The following KAT6A variants were observed in gnomAD, a reference collection of about 807,000 sequenced individuals.
The protein encoded by KAT6A is lysine acetyltransferase 6A, also known as histone acetyltransferase KAT6A.
Under a neutral mutation model 198.4 loss-of-function variants are expected in KAT6A, and 9 were observed. The ratio of observed to expected loss-of-function variants is 0.05; its 90% CI spans 0.03 to 0.08. The LOEUF (loss-of-function observed/expected upper bound fraction) is 0.08, where lower values mean the gene tolerates loss of function less well. Among genes scored for constraint, KAT6A ranks in the 10% least tolerant of loss-of-function variants. KAT6A has a pLI of 1.00. For missense variants in KAT6A, 2,077 were observed against 2,509.9 expected, an observed-to-expected ratio of 0.83 and a Z score of 3.69; for synonymous variants, 890 against 883.0, an observed-to-expected ratio of 1.01 and a Z score of -0.14.
chr8:41,932,624 A>T lies in KAT6A; in HGVS notation c.5596T>A (p.Ser1866Thr), dbSNP rs1221207488. The T allele has an allele frequency of 6.2e-7, 1 of 1,614,046 alleles. No individual in the cohort carries two copies. The change falls in exon 17 of 17, where the codon TCT (serine) becomes ACT (threonine). Residue 1866 changes from serine to threonine, a missense_variant. By Grantham distance (58) the Ser-to-Thr change is moderately conservative. Coordinates refer to ENST00000265713, the MANE Select transcript of KAT6A (RefSeq NM_006766.5). Reference protein sequence around the residue: ...SIRSKSAPLPSAAAHQQQLYG... With the variant: ...SIRSKSAPLPTAAAHQQQLYG... ...AGCTGCTGCTGGTGAGCAGCCGCAG[A>T]GGGCAGTGGCGCAGACTTGGAGCGG...
chr8:41,983,125 T>A (rs1309514816), intron 3 of KAT6A, among the ~76,000 whole-genome samples: 2 of 152,240 alleles, frequency 1.3e-5, no homozygotes, highest in African/African-American at 2.4e-5. Flanking sequence ...AAGAGTCAGT[T>A]ATCAGTCTGA....
At chr8:41,984,908 G>A (rs1391934923) in intron 3 of KAT6A, among the ~76,000 whole-genome samples, 1 of 151,550 alleles carries the variant, frequency 6.6e-6, no homozygotes, top group Non-Finnish European at 1.5e-5. Flanking sequence ...GCGTGAACCC[G>A]GGAGGCAGAG....
chr8:42,011,406 C>G (rs1826009809), intron 2 of KAT6A, among the ~76,000 whole-genome samples: 1 of 152,002 alleles, frequency 6.6e-6, no homozygotes, highest in Admixed American at 6.6e-5. Flanking sequence ...ACCATTTGTT[C>G]TAGAAATGAG....
At chr8:42,040,093 T>C (rs1048968478) in intron 2 of KAT6A, among the ~76,000 whole-genome samples, 2 of 151,862 alleles carry the variant, frequency 1.3e-5, no homozygotes, top group Non-Finnish European at 2.9e-5. Context: ...TATATAAATA[T>C]ATTATGCCTA....
chr8:41,996,737 G>GC (rs1420382862), intron 2 of KAT6A, among the ~76,000 whole-genome samples: 7 of 152,106 alleles, frequency 4.6e-5, no homozygotes, highest in African/African-American at 1.4e-4. Context: ...GAGAGATGAG[G>GC]CCCCTTGATC....
chr8:42,009,894 CAA>C (rs538642816), intron 2 of KAT6A, among the ~76,000 whole-genome samples: 8,434 of 48,644 alleles, frequency 0.17, 228 homozygotes, highest in South Asian at 0.31. Context: ...AGCCCTGTCT[CAA>C]AAAAAAAAAA....
chr8:41,966,350 TAGTAC>T (rs913971417), intron 8 of KAT6A, among the ~76,000 whole-genome samples: 2 of 152,088 alleles, frequency 1.3e-5, no homozygotes, highest in Non-Finnish European at 2.9e-5. Context: ...TCAGAAGAGT[TAGTAC>T]AGTACAATAG....
At chr8:41,998,162 A>C (rs1268946676) in intron 2 of KAT6A, among the ~76,000 whole-genome samples, 1 of 152,188 alleles carries the variant, frequency 6.6e-6, no homozygotes. Context: ...TTTTCAAAGC[A>C]CTTATAAATG....
intron 2 of KAT6A, among the ~76,000 whole-genome samples, chr8:42,020,573 T>C (rs13257590): frequency 0.73 from 110,421 of 152,068 alleles, 41,276 homozygotes; most frequent in African/African-American, 0.92. Context: ...TAGCATAGTG[T>C]CAGGGACATA....
chr8:41,981,062 G>C (rs1359013805), intron 4 of KAT6A, 135 bp from the exon 5 acceptor site: 2 of 659,654 alleles, frequency 3.0e-6, no homozygotes, highest in East Asian at 2.8e-5. Context: ...GCTCACGCCT[G>C]TAATCCCAAC....
At position 41,942,986 on chromosome 8, in the gene KAT6A, C is replaced by T. The variant is rs780908849; in HGVS notation, c.2243G>A (p.Arg748His). 1.9e-6 allele frequency: 3 copies of T among 1,613,916 alleles called. No homozygotes were observed. The highest frequency in any genetic ancestry group is 2.5e-6 in the Non-Finnish European group (3 of 1,179,952). The part of the protein sequence containing the change: ...DFRSDQFVII[R>H]REKLIQDHMA... The stretch of plus-strand genomic sequence containing the variant: ...GTGATCCTGGATAAGTTTTTCCCGG[C>T]GGATAATCACAAATCTGGAACCAGA... The change falls in exon 14 of 17, where the codon CGC (arginine) becomes CAC (histidine). Residue 748 changes from arginine to histidine, a missense_variant. Physicochemically the swap from Arg to His is conservative, Grantham distance 29. Transcript: ENST00000265713.
At chr8:41,990,792 G>A (rs1824898985) in intron 2 of KAT6A, among the ~76,000 whole-genome samples, 1 of 152,108 alleles carries the variant, frequency 6.6e-6, no homozygotes, top group African/African-American at 2.4e-5. Context: ...AGGAGTTCAA[G>A]ACCAGCCTGG....
intron 2 of KAT6A, among the ~76,000 whole-genome samples, chr8:42,009,748 G>C (rs1475219855): frequency 6.0e-5 from 9 of 151,228 alleles, no homozygotes; most frequent in Admixed American, 5.9e-4. Context: ...AAAATTTTAA[G>C]TATTAGCTGG....
intron 9 of KAT6A, among the ~76,000 whole-genome samples, chr8:41,954,416 C>T (rs1182665938): frequency 6.6e-6 from 1 of 152,082 alleles, no homozygotes; most frequent in African/African-American, 2.4e-5. Flanking sequence ...TGTATTTAAC[C>T]CACAAAGCAC....
chr8:42,031,380 T>C, intron 2 of KAT6A, among the ~76,000 whole-genome samples: 1 of 152,168 alleles, frequency 6.6e-6, no homozygotes, highest in East Asian at 1.9e-4. Context: ...GATACCCTAT[T>C]TTCTCCTTTT....
At position 41,932,679 on chromosome 8, in the gene KAT6A, C is replaced by A; in HGVS notation, c.5541G>T (p.Gly1847=). The A allele has an allele frequency of 6.2e-7, 1 of 1,614,226 alleles. No homozygotes were observed. The highest frequency in any genetic ancestry group is 8.5e-7 in the Non-Finnish European group (1 of 1,180,038). The change falls in exon 17 of 17, where the codon GGG becomes GGT. Residue 1847 remains glycine (G), a synonymous_variant. Coordinates refer to ENST00000265713, the MANE Select transcript of KAT6A (RefSeq NM_006766.5). ...IGIPHTQRLQ[G]QMPVKGHISI... ...AAATGTGCCCCTTCACTGGCATTTG[C>A]CCTTGCAATCTCTGCGTGTGAGGAA...
rs1821577641 is a variant in KAT6A, at chr8:41,932,136, C to CT, written c.*68dup. The CT allele has an allele frequency of 4.7e-6, 6 of 1,271,978 alleles. No individual in the cohort carries two copies. The highest frequency in any genetic ancestry group is 6.1e-6 in the Non-Finnish European group (6 of 989,906). 78.8% of individuals were successfully genotyped at this position (1,271,978 alleles called of 1,614,324 possible). ...TAACTGGAAAAAGGTCCATTTTTCT[C>CT]TGGTTTGTCAGTATAAAAGGTTCCT... On this transcript the variant is annotated 3_prime_UTR_variant, in exon 17 of 17. Coordinates refer to ENST00000265713, the MANE Select transcript of KAT6A (RefSeq NM_006766.5).
At chr8:42,042,350 C>T (rs1172642274) in intron 2 of KAT6A, among the ~76,000 whole-genome samples, 5 of 151,482 alleles carry the variant, frequency 3.3e-5, no homozygotes, top group South Asian at 4.2e-4. Context: ...CCAGCTTACT[C>T]GGGAGGCTGA....
chr8:41,946,485 TATATATATAC>T (rs1822392313), intron 12 of KAT6A, 96 bp downstream of exon 12: 1 of 379,340 alleles, frequency 2.6e-6, no homozygotes, highest in African/African-American at 4.1e-5. Context: ...TCTTTAAATA[TATATATATAC>T]ACACACACAC....
Sources: allele counts gnomAD v4.1 joint callset (sites outside exome capture counted in the v4.1 genomes callset), GRCh38; gene constraint gnomAD v4.1.1; transcripts MANE v1.5; gene names NCBI Gene and HGNC (gene_info 2026-07-23, HGNC 2026-07-21).